Variants in PLEKHA7 observed in about 807,000 individuals in gnomAD.
PLEKHA7 encodes the protein pleckstrin homology domain-containing family A member 7.
In PLEKHA7, 104 loss-of-function variants were observed where a neutral mutation model predicts 170.0. That is an observed-to-expected ratio of 0.61 (90% CI 0.52 to 0.72). PLEKHA7 has a LOEUF of 0.72. PLEKHA7 is among the 30% of genes least tolerant of loss of function. The pLI, the probability that PLEKHA7 is intolerant of heterozygous loss-of-function variation, is 0.00. For missense variants in PLEKHA7, 1,615 were observed against 1,671.7 expected, an observed-to-expected ratio of 0.97 and a Z score of 0.59; for synonymous variants, 648 against 660.8, an observed-to-expected ratio of 0.98 and a Z score of 0.30.
At chr11:16,842,713 A>C (rs1453276673) in intron 8 of PLEKHA7, 1 of 152,194 alleles carries the variant, frequency 6.6e-6, no homozygotes, top group East Asian at 1.9e-4. Context: ...CTGATAAACC[A>C]GAGACCCATC....
chr11:16,852,326 C>T lies in PLEKHA7; in HGVS notation c.552G>A (p.Arg184=), dbSNP rs541447035. The change falls in exon 7 of 27, where the codon AGG becomes AGA. Residue 184 remains arginine (R), a synonymous_variant. Coordinates refer to ENST00000531066, the MANE Select transcript of PLEKHA7 (RefSeq NM_001329630.2). ...AGTAATCAGCAAGCACAAACCACCTCCTTTTCCACAGCCTCATCCCAGAAC... is the reference window on the plus strand; with the variant it reads ...AGTAATCAGCAAGCACAAACCACCTTCTTTTCCACAGCCTCATCCCAGAAC... ...QDSSGMRLWK[R]RWFVLADYCL... 1.3e-5 allele frequency: 21 copies of T among 1,614,074 alleles called. No homozygotes were observed. The South Asian group carries it at 2.0e-4, about 15-fold the overall frequency.
Position 16,816,272 on chromosome 11 carries a change from T to A in PLEKHA7, c.1867-8A>T. ...GTCCACATGAGATGAGTTCTGCAAG[T>A]GGGGAGACAAGAAGTCACACTGGAG... is the stretch of plus-strand genomic sequence containing the variant. On this transcript the variant is annotated splice_polypyrimidine_tract_variant and splice_region_variant and intron_variant, in intron 11 of 26. Coordinates refer to ENST00000531066, the MANE Select transcript of PLEKHA7 (RefSeq NM_001329630.2). The A allele has an allele frequency of 6.2e-7, 1 of 1,608,564 alleles. No individual in the cohort carries two copies. Among genetic ancestry groups the A allele is most frequent in the Non-Finnish European group, 8.5e-7 (1 of 1,175,484 alleles).
intron 9 of PLEKHA7, among the ~76,000 whole-genome samples, chr11:16,833,990 G>T (rs74911589): frequency 0.16 from 23,437 of 150,372 alleles, 2,273 homozygotes; most frequent in African/African-American, 0.27. Flanking sequence ...TTTATATATA[G>T]ATATATGTTT....
chr11:16,954,162 A>G (rs1341219926), intron 3 of PLEKHA7, among the ~76,000 whole-genome samples: 3 of 152,224 alleles, frequency 2.0e-5, no homozygotes, highest in Non-Finnish European at 2.9e-5. Context: ...AAAAAATAAG[A>G]TAAAATAAAA....
intron 13 of PLEKHA7, among the ~76,000 whole-genome samples, chr11:16,805,879 G>A (rs1032433883): frequency 2.6e-5 from 4 of 151,620 alleles, no homozygotes; most frequent in South Asian, 2.1e-4. Flanking sequence ...CTATAAGCTC[G>A]ACTGACACGA....
chr11:16,980,329 C>T lies in PLEKHA7; in HGVS notation c.221+33660G>A, dbSNP rs537693035. 3.9e-5 allele frequency among the ~76,000 whole-genome samples: 6 copies of T among 152,342 alleles called. No homozygotes were observed. In the East Asian group the frequency reaches 9.7e-4, roughly 25 times the overall value. ...TAGTCTGAGGTCATGTCTAGGGCCA[C>T]ACAGTTAGTGGTGGAGCCAGGATTC... On this transcript the variant is annotated intron_variant, in intron 3 of 26. Coordinates refer to ENST00000531066, the MANE Select transcript of PLEKHA7 (RefSeq NM_001329630.2).
rs192536180 is a variant in PLEKHA7 at position 16,986,820 on chromosome 11, C to A, written c.221+27169G>T. On this transcript the variant is annotated intron_variant, in intron 3 of 26. Coordinates refer to ENST00000531066, the MANE Select transcript of PLEKHA7 (RefSeq NM_001329630.2). ...CCCAATCAGATAAGTATCAGCTCTG[C>A]ATAGCTTTATGTAGCACCTACTATA... Among the ~76,000 whole-genome samples the A allele has an allele frequency of 2.6e-5, 4 of 152,304 alleles. No individual in the cohort carries two copies. The East Asian group carries it at 7.7e-4, about 29-fold the overall frequency.
At chr11:16,847,797 G>A (rs1462402213) in intron 8 of PLEKHA7, among the ~76,000 whole-genome samples, 10 of 147,678 alleles carry the variant, frequency 6.8e-5, no homozygotes, top group East Asian at 4.0e-4. Flanking sequence ...AGCCAAGATC[G>A]TGCCATTGTA....
At chr11:17,014,279 ACCCGCGTC>A (rs1035825704) in intron 1 of PLEKHA7, 29 bp downstream of exon 1, 73 of 1,028,590 alleles carry the variant, frequency 7.1e-5, no homozygotes, top group East Asian at 4.1e-4. Flanking sequence ...CCGCGCCCCC[ACCCGCGTC>A]CCCGCGTCCC....
At chr11:16,788,986 G>T in intron 23 of PLEKHA7, 110 bp downstream of exon 23, 1 of 1,345,820 alleles carries the variant, frequency 7.4e-7, no homozygotes, top group Non-Finnish European at 1.0e-6. Flanking sequence ...AACCATGTAG[G>T]TCAATGGACA....
intron 3 of PLEKHA7, among the ~76,000 whole-genome samples, chr11:16,966,429 G>A (rs1393053803): frequency 6.6e-6 from 1 of 152,026 alleles, no homozygotes; most frequent in Non-Finnish European, 1.5e-5. Flanking sequence ...TATGAGTCAG[G>A]CAGAAAGTCC....
At chr11:16,934,359 T>C (rs1410484028) in intron 3 of PLEKHA7, among the ~76,000 whole-genome samples, 1 of 152,156 alleles carries the variant, frequency 6.6e-6, no homozygotes, top group Non-Finnish European at 1.5e-5. Flanking sequence ...GACACCTCCT[T>C]GGCTCAGATG....
chr11:16,826,189 T>C lies in PLEKHA7; in HGVS notation c.1274A>G (p.His425Arg). 1 of 1,614,228 alleles carries C rather than the reference T, an allele frequency of 6.2e-7. No homozygotes were observed. The highest frequency in any genetic ancestry group is 8.5e-7 in the Non-Finnish European group (1 of 1,180,050). Residue 425 changes from histidine (H) to arginine (R), a missense_variant, in exon 10 of 27, where the codon CAC (histidine) becomes CGC (arginine). By Grantham distance (29) the His-to-Arg change is conservative (BLOSUM62 0). Coordinates refer to ENST00000531066, the MANE Select transcript of PLEKHA7 (RefSeq NM_001329630.2). ...AFPPRTNPEK[H>R]SQRKSNLAQV... is the part of the protein sequence containing the mutation. Reference sequence around the variant, plus strand: ...GGCCAGATTGCTCTTCCTTTGGCTGTGTTTTTCAGGGTTGGTCCTGGGAGG... The same window carrying C: ...GGCCAGATTGCTCTTCCTTTGGCTGCGTTTTTCAGGGTTGGTCCTGGGAGG...
chr11:16,876,522 T>C (rs1307597651), intron 3 of PLEKHA7, among the ~76,000 whole-genome samples: 1 of 152,188 alleles, frequency 6.6e-6, no homozygotes, highest in African/African-American at 2.4e-5. Context: ...CAGGGAAGGA[T>C]GATTCCCGTG....
intron 3 of PLEKHA7, among the ~76,000 whole-genome samples, chr11:17,005,858 T>C (rs1231395007): frequency 6.6e-6 from 1 of 152,176 alleles, no homozygotes; most frequent in Non-Finnish European, 1.5e-5. Flanking sequence ...TTTTTACCCT[T>C]GAAAATGCAA....
At chr11:16,799,064 C>T (rs1416011715) in intron 17 of PLEKHA7, among the ~76,000 whole-genome samples, 2 of 152,150 alleles carry the variant, frequency 1.3e-5, no homozygotes, top group Non-Finnish European at 2.9e-5. Flanking sequence ...AGACAGTAGC[C>T]GATAGCTGCA....
chr11:16,860,786 G>A (rs1386270558), intron 4 of PLEKHA7, among the ~76,000 whole-genome samples: 1 of 152,198 alleles, frequency 6.6e-6, no homozygotes, highest in Non-Finnish European at 1.5e-5. Context: ...CCAGGTCAAG[G>A]AAATCTTGTG....
chr11:16,827,641 T>C (rs1226494803), intron 9 of PLEKHA7, among the ~76,000 whole-genome samples: 3 of 152,126 alleles, frequency 2.0e-5, no homozygotes, highest in Non-Finnish European at 4.4e-5. Context: ...TCTGCCTCCT[T>C]GGGGCAGGGT....
chr11:16,972,394 T>C (rs879464063), intron 3 of PLEKHA7, among the ~76,000 whole-genome samples: 3 of 152,052 alleles, frequency 2.0e-5, no homozygotes, highest in African/African-American at 4.8e-5. Context: ...AGTGCTGGGA[T>C]TACAGGCGTG....
Sources: gnomAD v4.1 joint callset for allele counts (sites outside exome capture counted in the v4.1 genomes callset) on GRCh38, gnomAD v4.1.1 for gene constraint, MANE v1.5 for transcripts, NCBI Gene and HGNC (gene_info 2026-07-23, HGNC 2026-07-21) for gene names.